Variants in BEND2 observed in about 807,000 individuals in gnomAD.
BEND2 encodes the protein BEN domain containing 2, also known as BEN domain-containing protein 2.
A neutral mutation model predicts 43.8 loss-of-function variants in BEND2; 19 were observed. The observed-to-expected ratio is 0.43, with a 90% CI of 0.30 to 0.64. The LOEUF (loss-of-function observed/expected upper bound fraction) is 0.64, where lower values mean the gene tolerates loss of function less well. Ranked by LOEUF, BEND2 falls within the 30% of genes least tolerant of loss-of-function variation. The pLI is 0.11. For synonymous variants in BEND2, 226 were observed against 210.1 expected, an observed-to-expected ratio of 1.08 and a Z score of -0.66; for missense variants, 544 against 574.0, an observed-to-expected ratio of 0.95 and a Z score of 0.53.
intron 2 of BEND2, among the ~76,000 whole-genome samples, chrX:18,215,169 G>C: frequency 9.0e-6 from 1 of 111,528 alleles, no homozygotes; most frequent in Non-Finnish European, 1.9e-5. Context: ...TCATTTGTAA[G>C]TATACAATTC....
At chrX:18,188,817 T>C (rs1924657954) in intron 8 of BEND2, among the ~76,000 whole-genome samples, 1 of 111,114 alleles carries the variant, frequency 9.0e-6, no homozygotes, top group Non-Finnish European at 1.9e-5. Context: ...CAAAGACACA[T>C]CAAAAAAAGA....
intron 13 of BEND2, among the ~76,000 whole-genome samples, chrX:18,165,849 A>T (rs1319482171): frequency 8.9e-6 from 1 of 111,797 alleles, no homozygotes; most frequent in Non-Finnish European, 1.9e-5. Flanking sequence ...CCTCGGACAC[A>T]TCATTAGGTA....
intron 8 of BEND2, among the ~76,000 whole-genome samples, chrX:18,183,739 G>A (rs917248889): frequency 1.8e-5 from 2 of 112,005 alleles, no homozygotes; most frequent in African/African-American, 6.5e-5. Context: ...TACCCATTGT[G>A]GGCCTGCGGC....
chrX:18,164,901 T>C lies in BEND2; in HGVS notation c.*108A>G, dbSNP rs1923781060. On this transcript the variant is annotated 3_prime_UTR_variant, in exon 14 of 14. Transcript: ENST00000380033. ...GTTTGGCGATTACTACAGGTGTCAATGCAAACTACTCTGCCAGTACAGCAG... is the reference window on the plus strand; with the variant it reads ...GTTTGGCGATTACTACAGGTGTCAACGCAAACTACTCTGCCAGTACAGCAG... 4 of 857,465 alleles carry C rather than the reference T, an allele frequency of 4.7e-6. No individual in the cohort carries two copies. Among genetic ancestry groups the C allele is most frequent in the Non-Finnish European group, 6.5e-6 (4 of 615,104 alleles). The allele number at this position is 857,465 out of a possible 1,213,427, so 70.7% of individuals were successfully genotyped here.
chrX:18,179,110 G>T (rs1924282996), intron 9 of BEND2, among the ~76,000 whole-genome samples: 2 of 106,344 alleles, frequency 1.9e-5, no homozygotes, highest in Admixed American at 1.0e-4. Flanking sequence ...CAGAAAGTTT[G>T]TACCAATGTA....
rs759620782 is a variant in BEND2 at position 18,203,929 on chromosome X, G to C, written c.493-14C>G. 8.6e-7 allele frequency: 1 copy of C among 1,158,569 alleles called. No individual in the cohort carries two copies. The highest frequency in any genetic ancestry group is 1.8e-5 in the African/African-American group (1 of 56,079). On this transcript the variant is annotated splice_polypyrimidine_tract_variant and intron_variant, in intron 4 of 13. Transcript: ENST00000380033. The stretch of plus-strand genomic sequence containing the variant: ...GCTAGACTGTACCTATCCAGGGTAA[G>C]AGAACAGAATGAGTAAAGTTATTTT...
In BEND2 at chrX:18,207,310, G is replaced by A. The variant is rs141422376; in HGVS notation, c.493-3395C>T. The stretch of plus-strand genomic sequence containing the variant: ...TTTTTAATAAACCTTCATTACCTCT[G>A]GCTTAGAACTCAGAAAATCCCCGGT... On this transcript the variant is annotated intron_variant, in intron 4 of 13. Transcript: ENST00000380033. 4.1e-3 allele frequency among the ~76,000 whole-genome samples: 462 copies of A among 111,885 alleles called. 5 individuals carry two copies. Among genetic ancestry groups the A allele is most frequent in the African/African-American group, 0.014 (437 of 30,852 alleles).
chrX:18,208,022 A>G (rs1382097791), intron 4 of BEND2, among the ~76,000 whole-genome samples: 1 of 66,566 alleles, frequency 1.5e-5, no homozygotes, highest in African/African-American at 6.5e-5. Flanking sequence ...TCTGTCTCAG[A>G]AAAAAAAAAA....
Position 18,165,002 on chromosome X carries a change from C to T in BEND2, c.*7G>A. On this transcript the variant is annotated 3_prime_UTR_variant, in exon 14 of 14. Transcript: ENST00000380033. The stretch of plus-strand genomic sequence containing the variant: ...TAAAAAAAAAAAAAAAGTTTGGCAG[C>T]TGCCGTTCAGGTGCTTGGGTCAGTG... 8.4e-7 allele frequency: 1 copy of T among 1,183,490 alleles called. No homozygotes were observed. The highest frequency in any genetic ancestry group is 1.1e-6 in the Non-Finnish European group (1 of 886,365).
At chrX:18,167,305 G>A (rs1923849330) in intron 13 of BEND2, among the ~76,000 whole-genome samples, 1 of 109,872 alleles carries the variant, frequency 9.1e-6, no homozygotes, top group Non-Finnish European at 1.9e-5. Flanking sequence ...AGAAAGAAAA[G>A]AAAAGAAAAA....
Position 18,164,991 on chromosome X carries a change from A to AG in BEND2, c.*17_*18insC, listed in dbSNP as rs1251997559. On this transcript the variant is annotated 3_prime_UTR_variant, in exon 14 of 14. Coordinates refer to ENST00000380033, the MANE Select transcript of BEND2 (RefSeq NM_153346.5). ...GTCTTAACAGTTAAAAAAAAAAAAAAAGTTTGGCAGCTGCCGTTCAGGTGC... is the reference window on the plus strand; with the variant it reads ...GTCTTAACAGTTAAAAAAAAAAAAAAGAGTTTGGCAGCTGCCGTTCAGGTGC... The AG allele has an allele frequency of 8.5e-7, 1 of 1,172,554 alleles. No individual in the cohort carries two copies. The highest frequency in any genetic ancestry group is 1.1e-6 in the Non-Finnish European group (1 of 882,603).
intron 6 of BEND2, among the ~76,000 whole-genome samples, chrX:18,201,410 A>AC (rs1925148333): frequency 1.0e-5 from 1 of 97,041 alleles, no homozygotes; most frequent in Non-Finnish European, 2.0e-5. Flanking sequence ...AAAAAAAAAA[A>AC]AAAAAAACAA....
At chrX:18,171,539 T>C (rs1923977529) in intron 12 of BEND2, among the ~76,000 whole-genome samples, 1 of 111,146 alleles carries the variant, frequency 9.0e-6, no homozygotes, top group Admixed American at 9.6e-5. Context: ...AGACAGGGTC[T>C]CACTTTGTTC....
At chrX:18,204,219 C>T (rs1448633301) in intron 4 of BEND2, among the ~76,000 whole-genome samples, 4 of 112,161 alleles carry the variant, frequency 3.6e-5, no homozygotes, top group Non-Finnish European at 7.5e-5. Context: ...TATCTACTAA[C>T]ATAAAAATAC....
intron 8 of BEND2, among the ~76,000 whole-genome samples, chrX:18,181,059 A>C (rs749354735): frequency 6.2e-4 from 69 of 111,295 alleles, no homozygotes; most frequent in Middle Eastern, 4.6e-3. Context: ...CTACTCTTAA[A>C]GAATGGCTAA....
At chrX:18,183,307 G>C (rs1924459214) in intron 8 of BEND2, among the ~76,000 whole-genome samples, 1 of 110,694 alleles carries the variant, frequency 9.0e-6, no homozygotes, top group Non-Finnish European at 1.9e-5. Flanking sequence ...AACCAAACTA[G>C]AAATCAATAA....
chrX:18,216,439 G>A (rs997727223), intron 2 of BEND2, 82 bp downstream of exon 2: 1 of 871,468 alleles, frequency 1.1e-6, no homozygotes, highest in Admixed American at 2.2e-5. Context: ...TACTGTAAAG[G>A]TTACAGGAAT....
intron 8 of BEND2, 134 bp downstream of exon 8, chrX:18,190,867 G>T: frequency 4.3e-6 from 2 of 470,257 alleles, no homozygotes; most frequent in East Asian, 4.1e-5. Context: ...CAAAATCCTA[G>T]TTGTGATATT....
chrX:18,214,804 C>G (rs2147437767), intron 2 of BEND2, among the ~76,000 whole-genome samples: 1 of 56,250 alleles, frequency 1.8e-5, no homozygotes, highest in South Asian at 1.5e-3. Context: ...GAGAGAGACT[C>G]TGTCTCAAAA....
Sources: gnomAD v4.1 joint callset for allele counts (sites outside exome capture counted in the v4.1 genomes callset) on GRCh38, gnomAD v4.1.1 for gene constraint, MANE v1.5 for transcripts, NCBI Gene and HGNC (gene_info 2026-07-23, HGNC 2026-07-21) for gene names.